XRN1: variants seen among roughly 807,000 people sequenced by gnomAD.
XRN1 encodes 5'-3' exoribonuclease 1, also known as strand-exchange protein 1 homolog.
A neutral mutation model predicts 222.3 loss-of-function variants in XRN1; 67 were observed. The observed-to-expected ratio is 0.30, with a 90% confidence interval of 0.25 to 0.37. The LOEUF (loss-of-function observed/expected upper bound fraction) is 0.37, where lower values mean the gene tolerates loss of function less well. Among genes scored for constraint, XRN1 ranks in the 10% least tolerant of loss-of-function variants. The probability of loss-of-function intolerance (pLI) is 1.00; values close to 1 mark genes in which losing one functional copy is unlikely to be tolerated. For synonymous variants in XRN1, 643 were observed against 652.4 expected, an observed-to-expected ratio of 0.99 and a Z score of 0.22; for missense variants, 1,707 against 2,000.2, an observed-to-expected ratio of 0.85 and a Z score of 2.80.
intron 13 of XRN1, 142 bp from the exon 14 acceptor site, chr3:142,414,433 A>G: frequency 1.7e-6 from 1 of 586,478 alleles, no homozygotes; most frequent in Non-Finnish European, 2.6e-6. Context: ...CTATCTGAAT[A>G]TAAGAAATTA....
intron 1 of XRN1, among the ~76,000 whole-genome samples, chr3:142,434,648 CT>C (rs1199332083): frequency 2.0e-5 from 3 of 151,496 alleles, no homozygotes; most frequent in Non-Finnish European, 2.9e-5. Context: ...GTTCTAGCTA[CT>C]TGAGAGACTG....
chr3:142,421,637 G>A (rs1190394819), intron 8 of XRN1, 94 bp from the exon 9 acceptor site: 6 of 908,068 alleles, frequency 6.6e-6, no homozygotes, highest in Non-Finnish European at 1.0e-5. Flanking sequence ...GAATGTTCAT[G>A]TTCTACAGTA....
intron 1 of XRN1, 97 bp from the exon 2 acceptor site, chr3:142,432,990 G>T: frequency 1.1e-6 from 1 of 919,232 alleles, no homozygotes. Flanking sequence ...ATGAAAAGCA[G>T]GATTTGTGTA....
chr3:142,318,537 G>T, intron 39 of XRN1, 55 bp downstream of exon 39: 1 of 1,433,004 alleles, frequency 7.0e-7, no homozygotes, highest in Non-Finnish European at 9.6e-7. Flanking sequence ...TCTTAAAAGA[G>T]CTTAGTAAAA....
chr3:142,318,690 G>A lies in XRN1; in HGVS notation c.4523C>T (p.Ser1508Phe). Residue 1508 changes from serine to phenylalanine, a missense_variant, in exon 39 of 41, where the codon TCC becomes TTC. Ser to Phe is a radical substitution (Grantham distance 155). This residue lies in a region of XRN1 where 473 missense variants were observed against 482.0 expected (regional missense o/e 0.98). Coordinates refer to ENST00000392981, the MANE Select transcript of XRN1 (RefSeq NM_001282857.2). Reference protein sequence around the residue: ...AALFALQQLGSLGMNFPLPSQ... With the variant: ...AALFALQQLGFLGMNFPLPSQ... ...AGGCAAAGGGAAATTCATGCCTAAG[G>A]AGCCCTGTGGAAGTATTTAAAAGTT... 2 of 1,609,298 alleles carry A rather than the reference G, an allele frequency of 1.2e-6. No individual in the cohort carries two copies. The highest frequency in any genetic ancestry group is 2.2e-5 in the South Asian group (2 of 90,088).
At chr3:142,389,586 C>G (rs1461644249) in intron 20 of XRN1, among the ~76,000 whole-genome samples, 1 of 152,170 alleles carries the variant, frequency 6.6e-6, no homozygotes, top group Non-Finnish European at 1.5e-5. Flanking sequence ...GTGGTGTGAT[C>G]TTGGTTCACT....
At chr3:142,431,330 G>T (rs2069514821) in intron 2 of XRN1, among the ~76,000 whole-genome samples, 1 of 152,176 alleles carries the variant, frequency 6.6e-6, no homozygotes, top group African/African-American at 2.4e-5. Flanking sequence ...AGATGCAGCA[G>T]TAGCTTCCTA....
At chr3:142,442,007 G>A (rs1252716721) in intron 1 of XRN1, among the ~76,000 whole-genome samples, 1 of 152,204 alleles carries the variant, frequency 6.6e-6, no homozygotes, top group East Asian at 1.9e-4. Context: ...GTATGCAGTG[G>A]TCAGTGATAA....
At chr3:142,319,627 A>G (rs1456580995) in intron 37 of XRN1, among the ~76,000 whole-genome samples, 1 of 152,106 alleles carries the variant, frequency 6.6e-6, no homozygotes, top group Non-Finnish European at 1.5e-5. Context: ...TGATTAGTAT[A>G]CATTGTACCC....
chr3:142,439,646 C>A (rs1406065150), intron 1 of XRN1, among the ~76,000 whole-genome samples: 2 of 152,098 alleles, frequency 1.3e-5, no homozygotes, highest in African/African-American at 2.4e-5. Context: ...CTTCAAAAGT[C>A]CGCCTTAGGC....
Position 142,408,254 on chromosome 3 carries a change from C to T in XRN1, c.1714-3178G>A, listed in dbSNP as rs147115546. Reference sequence around the variant, plus strand: ...AAGCGAAGTAATACAGTGAGTAATGCACATAGGCCTGGGGCCCATTTGGGG... The same window carrying T: ...AAGCGAAGTAATACAGTGAGTAATGTACATAGGCCTGGGGCCCATTTGGGG... On this transcript the variant is annotated intron_variant, in intron 15 of 40. Transcript: ENST00000392981. Among the ~76,000 whole-genome samples the T allele has an allele frequency of 5.9e-5, 9 of 152,342 alleles. No individual in the cohort carries two copies. The East Asian group carries it at 1.5e-3, about 26-fold the overall frequency.
intron 18 of XRN1, among the ~76,000 whole-genome samples, chr3:142,402,438 C>T (rs2068178689): frequency 6.6e-6 from 1 of 152,148 alleles, no homozygotes; most frequent in East Asian, 1.9e-4. Context: ...CCGCCTCAGC[C>T]TCCAAAAGTG....
Position 142,332,963 on chromosome 3 carries a change from G to C in XRN1, c.4062+4C>G, listed in dbSNP as rs745812696. On this transcript the variant is annotated splice_donor_region_variant and intron_variant, in intron 35 of 40. Coordinates refer to ENST00000392981, the MANE Select transcript of XRN1 (RefSeq NM_001282857.2). ...CAGTAAGAAAGTTCCTACAAAATAC[G>C]AACCATGGCAAATGACTGTGGTGAC... 5 of 1,612,398 alleles carry C rather than the reference G, an allele frequency of 3.1e-6. No individual in the cohort carries two copies. The highest frequency in any genetic ancestry group is 2.7e-5 in the African/African-American group (2 of 74,814).
At chr3:142,337,735 T>C (rs1441821966) in intron 33 of XRN1, among the ~76,000 whole-genome samples, 2 of 152,300 alleles carry the variant, frequency 1.3e-5, no homozygotes, top group East Asian at 1.9e-4. Flanking sequence ...GAGTATATAA[T>C]AGGCAAGTGT....
At chr3:142,355,284 A>G (rs983130782) in intron 32 of XRN1, 117 bp downstream of exon 32, 6 of 526,488 alleles carry the variant, frequency 1.1e-5, no homozygotes, top group African/African-American at 1.0e-4. Flanking sequence ...CATGATCAAA[A>G]TTGTCATTTT....
At chr3:142,345,672 C>A (rs1258779283) in intron 33 of XRN1, among the ~76,000 whole-genome samples, 1 of 152,004 alleles carries the variant, frequency 6.6e-6, no homozygotes, top group East Asian at 1.9e-4. Context: ...CATGTAATAT[C>A]TAGCATGTAT....
intron 1 of XRN1, among the ~76,000 whole-genome samples, chr3:142,444,211 G>A (rs751308881): frequency 3.3e-5 from 5 of 152,194 alleles, no homozygotes; most frequent in Admixed American, 6.5e-5. Flanking sequence ...TTGGGAGGCC[G>A]AGGCGGGCAG....
At chr3:142,434,762 A>C (rs1347020797) in intron 1 of XRN1, among the ~76,000 whole-genome samples, 1 of 152,084 alleles carries the variant, frequency 6.6e-6, no homozygotes, top group Non-Finnish European at 1.5e-5. Flanking sequence ...TTGTCTCTAT[A>C]AAACAAACAA....
At chr3:142,426,516 G>T in intron 3 of XRN1, 1 of 478,580 alleles carries the variant, frequency 2.1e-6, no homozygotes, top group East Asian at 3.5e-5. Context: ...GGAGATTCCT[G>T]TCCATATCTG....
Sources: gnomAD v4.1 joint callset for allele counts (sites outside exome capture counted in the v4.1 genomes callset) on GRCh38, gnomAD v4.1.1 for gene constraint, gnomAD v4.1.1 regional missense constraint, MANE v1.5 for transcripts, NCBI Gene and HGNC (gene_info 2026-07-23, HGNC 2026-07-21) for gene names.